The following ARHGAP10 variants were observed in gnomAD, a reference collection of about 807,000 sequenced individuals.
ARHGAP10 encodes Rho GTPase activating protein 10, also known as rho GTPase-activating protein 10.
A neutral mutation model predicts 108.6 loss-of-function variants in ARHGAP10; 87 were observed. That is an observed-to-expected ratio of 0.80 (90% CI 0.67 to 0.96). The LOEUF (loss-of-function observed/expected upper bound fraction) is 0.96, where lower values mean the gene tolerates loss of function less well. ARHGAP10 is among the 40% of genes least tolerant of loss of function. ARHGAP10 has a pLI of 0.00. For synonymous variants in ARHGAP10, 347 were observed against 341.1 expected (o/e 1.02, Z -0.19); for missense variants, 939 against 954.5 (o/e 0.98, Z 0.21).
chr4:148,023,473 T>C, intron 19 of ARHGAP10, 60 bp downstream of exon 19: 1 of 1,532,110 alleles, frequency 6.5e-7, no homozygotes, highest in Non-Finnish European at 8.9e-7. Context: ...GTATCATATG[T>C]CGTCAGGGCA....
chr4:147,790,339 A>G (rs1346640925), intron 1 of ARHGAP10, among the ~76,000 whole-genome samples: 1 of 152,216 alleles, frequency 6.6e-6, no homozygotes, highest in East Asian at 1.9e-4. Context: ...CATGGGGGTT[A>G]GTGTTTCAAC....
intron 18 of ARHGAP10, among the ~76,000 whole-genome samples, chr4:147,999,956 T>G (rs889222331): frequency 1.3e-5 from 2 of 151,806 alleles, no homozygotes; most frequent in Non-Finnish European, 2.9e-5. Flanking sequence ...TATACTTTAG[T>G]AGGGTACATG....
chr4:147,953,580 T>A lies in ARHGAP10; in HGVS notation c.1392-1736T>A, dbSNP rs539848210. On this transcript the variant is annotated intron_variant, in intron 15 of 22. Transcript: ENST00000336498. The stretch of plus-strand genomic sequence containing the variant: ...ATTTCTTTATTTTATTTTTAATATC[T>A]TTAGAATCTGCACTGATTCTGCAGT... 7.2e-5 allele frequency among the ~76,000 whole-genome samples: 11 copies of A among 152,136 alleles called. No individual in the cohort carries two copies. The South Asian group carries it at 2.1e-3, about 29-fold the overall frequency.
chr4:147,925,600 CAGGGAAGGTATT>C (rs1297931254), intron 13 of ARHGAP10, among the ~76,000 whole-genome samples: 2 of 152,156 alleles, frequency 1.3e-5, no homozygotes, highest in Non-Finnish European at 2.9e-5. Flanking sequence ...GTATTTCTTA[CAGGGAAGGTATT>C]AGAGGAAAAA....
chr4:148,052,574 A>G (rs1035099939), intron 20 of ARHGAP10, among the ~76,000 whole-genome samples: 3 of 152,048 alleles, frequency 2.0e-5, no homozygotes, highest in African/African-American at 7.2e-5. Context: ...TGATTTCCTA[A>G]TAAGATGAGC....
chr4:147,847,978 G>T (rs559776868), intron 4 of ARHGAP10, among the ~76,000 whole-genome samples: 9 of 152,306 alleles, frequency 5.9e-5, no homozygotes, highest in African/African-American at 2.2e-4. Context: ...ACATTTGCAT[G>T]CTGTTGACCA....
chr4:147,891,690 C>T (rs1735800235), intron 10 of ARHGAP10, among the ~76,000 whole-genome samples: 1 of 152,126 alleles, frequency 6.6e-6, no homozygotes, highest in Admixed American at 6.5e-5. Flanking sequence ...AAAGAAGGGT[C>T]TTAAATCACT....
chr4:147,967,556 A>C (rs936754008), intron 18 of ARHGAP10, among the ~76,000 whole-genome samples: 5 of 152,234 alleles, frequency 3.3e-5, no homozygotes, highest in Non-Finnish European at 5.9e-5. Flanking sequence ...CTTCCCTCCC[A>C]CCATACCCAC....
At chr4:148,059,809 A>G (rs576360695) in intron 20 of ARHGAP10, among the ~76,000 whole-genome samples, 36 of 152,292 alleles carry the variant, frequency 2.4e-4, no homozygotes, top group African/African-American at 7.0e-4. Flanking sequence ...AACAGCCTCT[A>G]TTAATCACAG....
At position 147,830,512 on chromosome 4, in the gene ARHGAP10, C is replaced by CTTT. The variant is rs56946602; in HGVS notation, c.312+7576_312+7578dup. Among the ~76,000 whole-genome samples, 174 of 102,246 alleles carry CTTT rather than the reference C, an allele frequency of 1.7e-3. 2 individuals are homozygous for CTTT. The highest frequency in any genetic ancestry group is 6.3e-3 in the African/African-American group (154 of 24,620). The allele number at this position is 102,246 out of a possible 152,430, so 67.1% of individuals were successfully genotyped here. On this transcript the variant is annotated intron_variant, in intron 3 of 22. Coordinates refer to ENST00000336498, the MANE Select transcript of ARHGAP10 (RefSeq NM_024605.4). Reference sequence around the variant, plus strand: ...TTTTAAATGGTCAAAACCACAATTCCTTTTTTTTTTTTTTTTTTTTTTTGA... The same window carrying CTTT: ...TTTTAAATGGTCAAAACCACAATTCCTTTTTTTTTTTTTTTTTTTTTTTTTTGA...
At chr4:147,785,364 G>A (rs1026814907) in intron 1 of ARHGAP10, among the ~76,000 whole-genome samples, 16 of 151,896 alleles carry the variant, frequency 1.1e-4, no homozygotes, top group Non-Finnish European at 2.1e-4. Context: ...ACATGTATTG[G>A]TACAGATTCC....
intron 18 of ARHGAP10, among the ~76,000 whole-genome samples, chr4:147,987,262 G>T (rs1160129885): frequency 6.6e-6 from 1 of 152,184 alleles, no homozygotes; most frequent in African/African-American, 2.4e-5. Context: ...TACATATACT[G>T]TTGAAGCTTC....
chr4:147,808,817 C>T (rs1235057197), intron 1 of ARHGAP10: 1 of 152,352 alleles, frequency 6.6e-6, no homozygotes, highest in African/African-American at 2.4e-5. Context: ...CCTTTTCTCC[C>T]TCTGCCCCCT....
chr4:148,070,494 G>A (rs908120124), intron 22 of ARHGAP10, among the ~76,000 whole-genome samples: 1 of 152,150 alleles, frequency 6.6e-6, no homozygotes, highest in Non-Finnish European at 1.5e-5. Context: ...AATTAGAATT[G>A]GATTGTCCCT....
In ARHGAP10 at chr4:147,819,687, T is replaced by C. The variant is rs141383364; in HGVS notation, c.155-3040T>C. On this transcript the variant is annotated intron_variant, in intron 1 of 22. Coordinates refer to ENST00000336498, the MANE Select transcript of ARHGAP10 (RefSeq NM_024605.4). ...CATTCTCCTGCCTCAGCCTCCTGAG[T>C]AGCTGGGACTACAGGTGCCTGCCAC... 9.2e-5 allele frequency among the ~76,000 whole-genome samples: 14 copies of C among 152,142 alleles called. No homozygotes were observed. In the East Asian group the frequency reaches 2.5e-3, roughly 27 times the overall value.
intron 10 of ARHGAP10, among the ~76,000 whole-genome samples, chr4:147,884,855 T>G (rs1735478910): frequency 6.6e-6 from 1 of 152,220 alleles, no homozygotes; most frequent in South Asian, 2.1e-4. Flanking sequence ...TTTTTGAACT[T>G]AATCCATTAA....
At position 147,871,179 on chromosome 4, in the gene ARHGAP10, C is replaced by T. The variant is rs181438555; in HGVS notation, c.703-3842C>T. Among the ~76,000 whole-genome samples, 678 of 152,086 alleles carry T rather than the reference C, an allele frequency of 4.5e-3. 1 individual carries two copies. Among genetic ancestry groups the T allele is most frequent in the Non-Finnish European group, 7.8e-3 (533 of 68,000 alleles). ...TTCACCGTGTTAGCCAGGATGGTCT[C>T]GATCTCCTGATCTCGTGATCCGCCC... On this transcript the variant is annotated intron_variant, in intron 7 of 22. Coordinates refer to ENST00000336498, the MANE Select transcript of ARHGAP10 (RefSeq NM_024605.4).
chr4:147,956,526 A>G (rs1455590187), intron 16 of ARHGAP10, among the ~76,000 whole-genome samples: 2 of 152,076 alleles, frequency 1.3e-5, no homozygotes, highest in Non-Finnish European at 2.9e-5. Context: ...AGTGGGGGAA[A>G]ATTTTTTCGG....
At chr4:148,020,780 A>G (rs1741539386) in intron 18 of ARHGAP10, among the ~76,000 whole-genome samples, 1 of 152,090 alleles carries the variant, frequency 6.6e-6, no homozygotes, top group Non-Finnish European at 1.5e-5. Context: ...TTTATAACAG[A>G]ATGATTTGCG....
Sources: gnomAD v4.1 joint callset for allele counts (sites outside exome capture counted in the v4.1 genomes callset) on GRCh38, gnomAD v4.1.1 for gene constraint, MANE v1.5 for transcripts, NCBI Gene and HGNC (gene_info 2026-07-23, HGNC 2026-07-21) for gene names.